The following MED13L variants were observed in gnomAD, a reference collection of about 807,000 sequenced individuals.
MED13L encodes the protein mediator complex subunit 13L.
In MED13L, 7 loss-of-function variants were observed where a neutral mutation model predicts 220.9. The ratio of observed to expected loss-of-function variants is 0.03; its 90% CI spans 0.02 to 0.06. MED13L has a LOEUF of 0.06. MED13L is among the 10% of genes least tolerant of loss of function. MED13L has a pLI of 1.00. For missense variants in MED13L, 1,965 were observed against 2,760.5 expected (o/e 0.71, Z 6.46); for synonymous variants, 1,011 against 1,015.2 (o/e 1.00, Z 0.08).
chr12:116,190,184 T>C (rs1026382630), intron 2 of MED13L, among the ~76,000 whole-genome samples: 1 of 152,194 alleles, frequency 6.6e-6, no homozygotes, highest in Non-Finnish European at 1.5e-5. Flanking sequence ...ATCTTAGCTA[T>C]AGGATTTTTG....
intron 25 of MED13L, among the ~76,000 whole-genome samples, chr12:115,973,434 TTTC>T (rs1441864468): frequency 5.9e-5 from 9 of 152,204 alleles, no homozygotes; most frequent in Non-Finnish European, 1.3e-4. Context: ...GAACATACAT[TTTC>T]TTTCAATCTT....
At chr12:116,258,912 T>C (rs1872278487) in intron 1 of MED13L, among the ~76,000 whole-genome samples, 1 of 150,964 alleles carries the variant, frequency 6.6e-6, no homozygotes, top group African/African-American at 2.4e-5. Context: ...AATTTAAATA[T>C]TGAGGGTTTT....
chr12:116,122,086 C>T (rs1325850704), intron 2 of MED13L, among the ~76,000 whole-genome samples: 7 of 151,944 alleles, frequency 4.6e-5, no homozygotes, highest in East Asian at 1.9e-4. Context: ...ACATATAAAA[C>T]GCATCGTAGT....
At chr12:116,265,771 C>G (rs1466620485) in intron 1 of MED13L, among the ~76,000 whole-genome samples, 1 of 152,168 alleles carries the variant, frequency 6.6e-6, no homozygotes, top group Non-Finnish European at 1.5e-5. Flanking sequence ...AAGCCAAGAA[C>G]CAGGACCATA....
chr12:116,187,945 A>C (rs1321003283), intron 2 of MED13L, among the ~76,000 whole-genome samples: 5 of 152,022 alleles, frequency 3.3e-5, no homozygotes, highest in Non-Finnish European at 7.4e-5. Flanking sequence ...TGAACACAGC[A>C]AGAAGGTAGG....
At chr12:116,005,337 T>C (rs74894485) in intron 13 of MED13L, among the ~76,000 whole-genome samples, 2,647 of 152,320 alleles carry the variant, frequency 0.017, 27 homozygotes, top group Middle Eastern at 0.041. Context: ...ATAATTATTC[T>C]TCTCTGTCAT....
chr12:115,960,364 G>C lies in MED13L; in HGVS notation c.*902C>G, dbSNP rs1875683811. On this transcript the variant is annotated 3_prime_UTR_variant, in exon 31 of 31. Transcript: ENST00000281928. The stretch of plus-strand genomic sequence containing the variant: ...GTACTTGCCTCCATGGCTCTGAGTT[G>C]AGCTTGACTGCCTTCTGTATAAAAA... The C allele has an allele frequency of 6.6e-6, 1 of 152,598 alleles. No homozygotes were observed. The highest frequency in any genetic ancestry group is 2.1e-4 in the South Asian group (1 of 4,830). 9.5% of individuals were successfully genotyped at this position (152,598 alleles called of 1,614,324 possible).
chr12:115,965,182 A>C (rs11067870), intron 29 of MED13L, among the ~76,000 whole-genome samples: 8,257 of 152,276 alleles, frequency 0.054, 359 homozygotes, highest in African/African-American at 0.12. Flanking sequence ...TGCATATCTT[A>C]TAGATTACTC....
chr12:116,120,837 TA>T (rs1845102441), intron 2 of MED13L, among the ~76,000 whole-genome samples: 1 of 152,138 alleles, frequency 6.6e-6, no homozygotes, highest in African/African-American at 2.4e-5. Context: ...AGACTATGTT[TA>T]TAAGTCTAAT....
rs544016462 is a variant in MED13L, at chr12:116,228,892, A to C, written c.310+8576T>G. On this transcript the variant is annotated intron_variant, in intron 2 of 30. Transcript: ENST00000281928. ...AAAATATTTTGCTAAGCAAACAAAA[A>C]AACCCTTTACCTATATCACTATGCC... is the stretch of plus-strand genomic sequence containing the variant. 2.0e-5 allele frequency among the ~76,000 whole-genome samples: 3 copies of C among 152,312 alleles called. No homozygotes were observed. The South Asian group carries it at 6.2e-4, about 32-fold the overall frequency.
chr12:116,031,720 G>GAA (rs1254065880), intron 4 of MED13L, among the ~76,000 whole-genome samples: 2 of 62,194 alleles, frequency 3.2e-5, no homozygotes, highest in African/African-American at 1.6e-4. Flanking sequence ...GAAAAGAAAA[G>GAA]AAAAGAAAAG....
rs1352953869 is a variant in MED13L, at chr12:115,991,282, G to C, written c.3672C>G (p.Ser1224Arg). Residue 1224 changes from serine to arginine, a missense_variant, in exon 17 of 31, where the codon AGC (serine) becomes AGG (arginine). Ser to Arg is a moderately radical substitution (Grantham distance 110). Around this residue, in one of 10 missense-constraint regions of MED13L, gnomAD observed 165 missense variants for 190.8 expected, o/e 0.86. Transcript: ENST00000281928. The surrounding 1 kb of genome is among the most constrained non-coding windows in gnomAD (Gnocchi z 7.7). ...GTTGATTCTGGAGGAGGAGGAGAAG[G>C]CTTATGGGTGGCTCCTGGGGTTTTT... is the stretch of plus-strand genomic sequence containing the variant. ...GTKKPQEPPI[S>R]LLLLLQNQHT... 1 of 1,614,166 alleles carries C rather than the reference G, an allele frequency of 6.2e-7. No individual in the cohort carries two copies. Among genetic ancestry groups the C allele is most frequent in the Non-Finnish European group, 8.5e-7 (1 of 1,180,030 alleles).
intron 2 of MED13L, among the ~76,000 whole-genome samples, chr12:116,201,491 T>C (rs1439370731): frequency 2.0e-5 from 3 of 152,126 alleles, no homozygotes; most frequent in African/African-American, 7.2e-5. Flanking sequence ...ATTTGATTTT[T>C]AAAAATGGTG....
chr12:116,271,811 T>C (rs1873380466), intron 1 of MED13L, among the ~76,000 whole-genome samples: 1 of 152,150 alleles, frequency 6.6e-6, no homozygotes, highest in Non-Finnish European at 1.5e-5. Context: ...TAATACCTAA[T>C]AGTCAACCAT....
intron 4 of MED13L, among the ~76,000 whole-genome samples, chr12:116,076,210 C>A (rs1870787260): frequency 6.6e-6 from 1 of 152,104 alleles, no homozygotes; most frequent in Non-Finnish European, 1.5e-5. Context: ...TGCTAAAATC[C>A]TTGGCAGGGG....
intron 16 of MED13L, among the ~76,000 whole-genome samples, chr12:115,992,817 T>C (rs1878153194): frequency 6.6e-6 from 1 of 152,214 alleles, no homozygotes; most frequent in Non-Finnish European, 1.5e-5. Flanking sequence ...GGCTATGTTA[T>C]CTACTTTCTC....
chr12:116,120,469 TCTCTCTCTCACACACACACA>T (rs1874971659), intron 2 of MED13L, among the ~76,000 whole-genome samples: 2 of 129,778 alleles, frequency 1.5e-5, no homozygotes, highest in Non-Finnish European at 1.6e-5. Flanking sequence ...TCTCTCTCTC[TCTCTCTCTCACACACACACA>T]CACACACACA....
rs561210991 is a variant in MED13L at position 116,257,056 on chromosome 12, A to G, written c.73-19351T>C. ...TGTAAATCGTTTAGAGGTATACACA[A>G]TATTTTCAAATAAATTATTTTCATG... On this transcript the variant is annotated intron_variant, in intron 1 of 30. Coordinates refer to ENST00000281928, the MANE Select transcript of MED13L (RefSeq NM_015335.5). Among the ~76,000 whole-genome samples the G allele has an allele frequency of 5.3e-5, 8 of 152,344 alleles. No homozygotes were observed. In the South Asian group the frequency reaches 1.2e-3, roughly 24 times the overall value.
intron 17 of MED13L, 63 bp from the exon 18 acceptor site, chr12:115,987,351 A>T: frequency 6.9e-7 from 1 of 1,449,746 alleles, no homozygotes; most frequent in Non-Finnish European, 9.5e-7. Context: ...CTTCCTCACC[A>T]TCACCTCGAG....
Sources: gnomAD v4.1 joint callset for allele counts (sites outside exome capture counted in the v4.1 genomes callset) on GRCh38, gnomAD v4.1.1 for gene constraint, gnomAD v4.1.1 regional missense constraint, Gnocchi (gnomAD v3.1) non-coding constraint, MANE v1.5 for transcripts, NCBI Gene and HGNC (gene_info 2026-07-23, HGNC 2026-07-21) for gene names.